DAB1: variants seen among roughly 807,000 people sequenced by gnomAD.
DAB1 encodes disabled homolog 1.
DAB1 carries 15 observed loss-of-function variants against 64.6 expected under a neutral mutation model. That is an observed-to-expected ratio of 0.23 (90% confidence interval 0.16 to 0.36). The LOEUF (loss-of-function observed/expected upper bound fraction) is 0.36. DAB1 is among the 10% of genes least tolerant of loss of function. DAB1 has a pLI of 1.00. For synonymous variants in DAB1, 235 were observed against 251.9 expected (o/e 0.93, Z 0.64); for missense variants, 596 against 706.7 (o/e 0.84, Z 1.78).
intron 3 of DAB1, among the ~76,000 whole-genome samples, chr1:58,502,241 A>G (rs1376884155): frequency 1.3e-5 from 2 of 152,204 alleles, no homozygotes; most frequent in Admixed American, 6.5e-5. Context: ...CTAATCACAG[A>G]CCCACAGAAT....
chr1:58,367,456 T>G (rs1247731922), intron 3 of DAB1, among the ~76,000 whole-genome samples: 1 of 152,026 alleles, frequency 6.6e-6, no homozygotes, highest in East Asian at 1.9e-4. Flanking sequence ...GACAGAGGAG[T>G]GCAGGCCATG....
At chr1:57,070,032 T>C (rs1264445847) in intron 7 of DAB1, among the ~76,000 whole-genome samples, 1 of 152,258 alleles carries the variant, frequency 6.6e-6, no homozygotes, top group Non-Finnish European at 1.5e-5. Flanking sequence ...AAGCTCATAT[T>C]ATATACAAAT....
At position 58,421,228 on chromosome 1, in the gene DAB1, A is replaced by AT. The variant is rs372226252; in HGVS notation, n.258-77826dup. On this transcript the variant is annotated intron_variant and non_coding_transcript_variant, in intron 3 of 20. Coordinates refer to the DAB1 transcript ENST00000485760. ...GGTGGCAGCAAGGCTGGGTTAATATATTCATTAGGGACAGGCACGAGCAAC... is the reference window on the plus strand; with the variant it reads ...GGTGGCAGCAAGGCTGGGTTAATATATTTCATTAGGGACAGGCACGAGCAAC... Among the ~76,000 whole-genome samples the AT allele has an allele frequency of 5.3e-5, 8 of 152,350 alleles. No individual in the cohort carries two copies. In the East Asian group the frequency reaches 1.5e-3, roughly 29 times the overall value.
At chr1:57,610,082 C>T (rs1645708014) in intron 7 of DAB1, among the ~76,000 whole-genome samples, 1 of 152,152 alleles carries the variant, frequency 6.6e-6, no homozygotes, top group African/African-American at 2.4e-5. Context: ...GCCCTCTTTC[C>T]ACTCATTGAA....
intron 5 of DAB1, among the ~76,000 whole-genome samples, chr1:57,937,634 C>T (rs7513105): frequency 0.018 from 2,753 of 152,238 alleles, 87 homozygotes; most frequent in African/African-American, 0.063. Flanking sequence ...TATAAAGCCC[C>T]TAGCCACTTA....
At chr1:57,143,031 G>A (rs1199033615) in intron 3 of DAB1, among the ~76,000 whole-genome samples, 4 of 152,184 alleles carry the variant, frequency 2.6e-5, no homozygotes, top group Admixed American at 2.0e-4. Context: ...TGGGATGGAA[G>A]GTATGGCTCT....
chr1:57,165,959 A>T (rs1169551912), intron 2 of DAB1, among the ~76,000 whole-genome samples: 1 of 152,248 alleles, frequency 6.6e-6, no homozygotes, highest in Admixed American at 6.5e-5. Context: ...TGGATGGGTC[A>T]GGGCTGGCTG....
intron 5 of DAB1, among the ~76,000 whole-genome samples, chr1:58,036,867 C>A (rs148608723): frequency 6.6e-6 from 1 of 152,196 alleles, no homozygotes; most frequent in Non-Finnish European, 1.5e-5. Flanking sequence ...CCTAGATACA[C>A]AGATGGATTA....
Position 57,083,222 on chromosome 1 carries a change from G to A in DAB1, c.307-10808C>T, listed in dbSNP as rs753961726. ...ACAGAAGGGTTAAGTAACTTGCCCC[G>A]GGTCACACAGCCCATAAGGCAGACC... On this transcript the variant is annotated intron_variant, in intron 4 of 14. Coordinates refer to ENST00000371236, the MANE Select transcript of DAB1 (RefSeq NM_001365792.1). Among the ~76,000 whole-genome samples the A allele has an allele frequency of 7.2e-4, 109 of 152,246 alleles. 2 individuals carry two copies. The highest frequency in any genetic ancestry group is 1.0e-3 in the South Asian group (5 of 4,816).
intron 3 of DAB1, among the ~76,000 whole-genome samples, chr1:58,446,709 G>A (rs911718732): frequency 6.6e-6 from 1 of 152,106 alleles, no homozygotes; most frequent in African/African-American, 2.4e-5. Flanking sequence ...CATTTCCTTT[G>A]AGCCTGTAAT....
intron 5 of DAB1, among the ~76,000 whole-genome samples, chr1:58,075,941 T>TCTCA (rs201711837): frequency 0.015 from 2,185 of 148,812 alleles, 21 homozygotes; most frequent in Non-Finnish European, 0.024. Context: ...TCTCTCTCTC[T>TCTCA]CTCACAGGCA....
chr1:58,425,925 T>C (rs948332100), intron 3 of DAB1, among the ~76,000 whole-genome samples: 10 of 151,878 alleles, frequency 6.6e-5, no homozygotes, highest in Non-Finnish European at 1.5e-4. Flanking sequence ...TACAGAAGAA[T>C]AGTCTGGGTG....
chr1:57,083,190 C>A (rs1652724154), intron 4 of DAB1, among the ~76,000 whole-genome samples: 1 of 152,148 alleles, frequency 6.6e-6, no homozygotes, highest in South Asian at 2.1e-4. Context: ...ATGGAGGTAC[C>A]TGAGACACAG....
intron 4 of DAB1, among the ~76,000 whole-genome samples, chr1:58,283,261 T>C (rs1184744672): frequency 3.3e-5 from 5 of 152,034 alleles, no homozygotes; most frequent in African/African-American, 1.2e-4. Context: ...AGAATTTGTA[T>C]TTCATAAGTA....
intron 5 of DAB1, among the ~76,000 whole-genome samples, chr1:58,085,958 C>CTGTTTTT (rs1289919186): frequency 1.0e-5 from 1 of 98,724 alleles, no homozygotes; most frequent in Non-Finnish European, 1.9e-5. Context: ...ATCTCTCTCT[C>CTGTTTTT]TTTTTTTTTT....
intron 7 of DAB1, among the ~76,000 whole-genome samples, chr1:57,603,000 A>T (rs762645796): frequency 6.6e-6 from 1 of 152,160 alleles, no homozygotes; most frequent in Non-Finnish European, 1.5e-5. Context: ...GAGGGTGAAC[A>T]TCTTCTGAAT....
intron 4 of DAB1, among the ~76,000 whole-genome samples, chr1:58,276,586 G>A (rs1661450119): frequency 6.6e-6 from 1 of 152,172 alleles, no homozygotes; most frequent in South Asian, 2.1e-4. Context: ...GCTGAGTAGA[G>A]ACAAGGTTGG....
At chr1:57,901,899 T>A (rs899220541) in intron 5 of DAB1, among the ~76,000 whole-genome samples, 1 of 152,054 alleles carries the variant, frequency 6.6e-6, no homozygotes, top group Admixed American at 6.6e-5. Context: ...CTTGGTCTTA[T>A]AGGATCAGCT....
intron 1 of DAB1, among the ~76,000 whole-genome samples, chr1:57,308,300 T>C (rs1674372514): frequency 6.6e-6 from 1 of 152,152 alleles, no homozygotes; most frequent in Admixed American, 6.5e-5. Context: ...CTCTAGATAT[T>C]ACCAGTTAAC....
Sources: gnomAD v4.1 joint callset for allele counts (sites outside exome capture counted in the v4.1 genomes callset) on GRCh38, gnomAD v4.1.1 for gene constraint, MANE v1.5 for transcripts, NCBI Gene and HGNC (gene_info 2026-07-23, HGNC 2026-07-21) for gene names.